The following MYO18A variants were observed in gnomAD, a reference collection of about 807,000 sequenced individuals.
The protein encoded by MYO18A is unconventional myosin-XVIIIa.
MYO18A carries 78 observed loss-of-function variants against 235.8 expected under a neutral mutation model. The ratio of observed to expected loss-of-function variants is 0.33; its 90% CI spans 0.28 to 0.40. MYO18A has a LOEUF of 0.40. MYO18A is among the 10% of genes least tolerant of loss of function. The pLI, the probability that MYO18A is intolerant of heterozygous loss-of-function variation, is 1.00. For synonymous variants in MYO18A, 977 were observed against 1,077.8 expected (o/e 0.91, Z 1.83); for missense variants, 2,215 against 2,699.3 (o/e 0.82, Z 3.98).
intron 1 of MYO18A, among the ~76,000 whole-genome samples, chr17:29,178,502 T>C (rs1475071524): frequency 2.1e-5 from 3 of 143,794 alleles, no homozygotes; most frequent in Non-Finnish European, 4.5e-5. Context: ...ACAACCCCCA[T>C]GTCCTCAACC....
intron 2 of MYO18A, among the ~76,000 whole-genome samples, chr17:29,133,060 A>C (rs1182726063): frequency 1.3e-5 from 2 of 152,230 alleles, no homozygotes; most frequent in African/African-American, 4.8e-5. Context: ...CCAGATTCCA[A>C]GTCCACTCTG....
chr17:29,115,268 T>A (rs1358068240), intron 13 of MYO18A, 83 bp downstream of exon 13: 1 of 1,522,006 alleles, frequency 6.6e-7, no homozygotes, highest in Non-Finnish European at 9.0e-7. Flanking sequence ...AGAGACCGGC[T>A]CTGCCTCGGC....
chr17:29,145,434 G>C (rs1383376194), intron 2 of MYO18A, among the ~76,000 whole-genome samples: 1 of 152,206 alleles, frequency 6.6e-6, no homozygotes, highest in East Asian at 1.9e-4. Flanking sequence ...GCAGAGCTGG[G>C]GGAAGGCCAG....
chr17:29,090,508 C>CTT (rs756217726), intron 36 of MYO18A, 24 bp downstream of exon 36: 5 of 1,566,998 alleles, frequency 3.2e-6, no homozygotes, highest in Admixed American at 3.7e-5. Flanking sequence ...CTCTCTCTCT[C>CTT]CTGAGGGAGC....
intron 2 of MYO18A, among the ~76,000 whole-genome samples, chr17:29,161,904 C>G (rs1452982404): frequency 1.3e-5 from 2 of 152,352 alleles, no homozygotes; most frequent in East Asian, 3.9e-4. Context: ...TTAGGAAACA[C>G]TTGGCCTTCA....
In MYO18A at chr17:29,120,569, C is replaced by T; in HGVS notation, c.1728+47G>A. The T allele has an allele frequency of 6.3e-6, 10 of 1,585,774 alleles. No individual in the cohort carries two copies. Among genetic ancestry groups the T allele is most frequent in the Non-Finnish European group, 8.6e-6 (10 of 1,165,424 alleles). On this transcript the variant is annotated intron_variant, in intron 7 of 41. Transcript: ENST00000527372. The surrounding 1 kb of genome is among the most constrained non-coding windows in gnomAD (Gnocchi z 4.2). ...GAGCCTGATGTCTAGGTCATGAAAT[C>T]ATGTGGCCTGTGTCCTACTACCCCG...
chr17:29,072,258 G>T lies in MYO18A; in HGVS notation c.*2512C>A, dbSNP rs1019362720. 7.0e-6 allele frequency: 1 copy of T among 143,762 alleles called. No homozygotes were observed. Among genetic ancestry groups the T allele is most frequent in the Non-Finnish European group, 1.5e-5 (1 of 67,166 alleles). The allele number at this position is 143,762 out of a possible 1,614,324, so 8.9% of individuals were successfully genotyped here. Reference sequence around the variant, plus strand: ...AAAGTAACTTAGGCCAGGCACAGTGGCTCATGCCTATAATCCTAGCACTTT... The same window carrying T: ...AAAGTAACTTAGGCCAGGCACAGTGTCTCATGCCTATAATCCTAGCACTTT... On this transcript the variant is annotated 3_prime_UTR_variant, in exon 42 of 42. Coordinates refer to ENST00000527372, the MANE Select transcript of MYO18A (RefSeq NM_078471.4).
Position 29,074,562 on chromosome 17 carries a change from T to C in MYO18A, c.*208A>G, listed in dbSNP as rs544163329. 1.6e-5 allele frequency: 10 copies of C among 612,988 alleles called. No individual in the cohort carries two copies. The African/African-American group carries it at 1.7e-4, about 10-fold the overall frequency. 38.0% of individuals were successfully genotyped at this position (612,988 alleles called of 1,614,324 possible). ...TGAGACAGAGGAGCAAAAAGTTCTCTTCAGAAACTCCTCTTTCCCCCACCT... is the reference window on the plus strand; with the variant it reads ...TGAGACAGAGGAGCAAAAAGTTCTCCTCAGAAACTCCTCTTTCCCCCACCT... On this transcript the variant is annotated 3_prime_UTR_variant, in exon 42 of 42. Transcript: ENST00000527372. This position sits in a 1 kb window ranked among gnomAD's most constrained non-coding sequence, Gnocchi z 4.4.
rs11389237 is a variant in MYO18A at position 29,147,889 on chromosome 17, C to CAAA, written c.999+18050_999+18052dup. On this transcript the variant is annotated intron_variant, in intron 2 of 41. Transcript: ENST00000527372. ...TGCCACTGCACTCCAGCCTGGGTGA[C>CAAA]AAAAAAAAAAAAAAAAAAAGGAAGT... Among the ~76,000 whole-genome samples, 47 of 87,086 alleles carry CAAA rather than the reference C, an allele frequency of 5.4e-4. 1 individual carries two copies. The highest frequency in any genetic ancestry group is 1.5e-3 in the African/African-American group (34 of 23,430). The allele number at this position is 87,086 out of a possible 152,430, so 57.1% of individuals were successfully genotyped here.
intron 26 of MYO18A, 152 bp from the exon 27 acceptor site, chr17:29,097,502 G>A: frequency 1.9e-6 from 2 of 1,068,492 alleles, no homozygotes; most frequent in Non-Finnish European, 1.3e-6. Flanking sequence ...CAAGGCAGAA[G>A]GAGCCACTAG....
chr17:29,156,116 G>A (rs553672597), intron 2 of MYO18A, among the ~76,000 whole-genome samples: 3 of 152,114 alleles, frequency 2.0e-5, no homozygotes, highest in Admixed American at 1.3e-4. Flanking sequence ...GGAATCCATT[G>A]CTGTGACTGG....
intron 21 of MYO18A, among the ~76,000 whole-genome samples, chr17:29,102,724 G>C (rs1240007310): frequency 1.3e-5 from 2 of 152,214 alleles, no homozygotes; most frequent in Non-Finnish European, 2.9e-5. Context: ...CAGAGACGAA[G>C]GGCAGGAGGA....
rs866253932 is a variant in MYO18A at position 29,114,015 on chromosome 17, G to A, written c.2594C>T (p.Ser865Phe). 1.3e-6 allele frequency: 2 copies of A among 1,595,040 alleles called. No homozygotes were observed. The highest frequency in any genetic ancestry group is 1.7e-6 in the Non-Finnish European group (2 of 1,170,948). Reference protein sequence around the residue: ...VAAVDQASHQSLVRSLARTDE... With the variant: ...VAAVDQASHQFLVRSLARTDE... ...AACCCTCTCTGGAGCTCCTACCAGG[G>A]ACTGATGGGAGGCCTGGTCCACAGC... The change falls in exon 15 of 42, where the codon TCC (serine) becomes TTC (phenylalanine). Residue 865 changes from serine (S) to phenylalanine (F), a missense_variant. Physicochemically the swap from Ser to Phe is radical, Grantham distance 155 (BLOSUM62 -2). Coordinates refer to ENST00000527372, the MANE Select transcript of MYO18A (RefSeq NM_078471.4).
At position 29,158,069 on chromosome 17, in the gene MYO18A, T is replaced by C. The variant is rs941365868; in HGVS notation, c.999+7873A>G. 1.3e-5 allele frequency among the ~76,000 whole-genome samples: 2 copies of C among 152,122 alleles called. No homozygotes were observed. The highest frequency in any genetic ancestry group is 2.4e-5 in the African/African-American group (1 of 41,434). On this transcript the variant is annotated intron_variant, in intron 2 of 41. Coordinates refer to ENST00000527372, the MANE Select transcript of MYO18A (RefSeq NM_078471.4). The surrounding 1 kb of genome is among the most constrained non-coding windows in gnomAD (Gnocchi z 4.3). ...TCAGCCTCCCAAAGTGCTGGGATTA[T>C]AGACGTGAGCCACTGTGCCCTGCCT...
chr17:29,088,600 G>A (rs2066317587), intron 37 of MYO18A, among the ~76,000 whole-genome samples: 1 of 152,194 alleles, frequency 6.6e-6, no homozygotes, highest in South Asian at 2.1e-4. Context: ...ACGGTGTGGA[G>A]ACAAAGGCTT....
At chr17:29,130,806 T>C (rs757699500) in intron 2 of MYO18A, among the ~76,000 whole-genome samples, 1 of 152,152 alleles carries the variant, frequency 6.6e-6, no homozygotes, top group Non-Finnish European at 1.5e-5. Flanking sequence ...TCCAGGTTTA[T>C]TCAGGGTCTC....
At chr17:29,104,823 A>G (rs955441058) in intron 20 of MYO18A, among the ~76,000 whole-genome samples, 5 of 152,064 alleles carry the variant, frequency 3.3e-5, no homozygotes, top group Non-Finnish European at 5.9e-5. Flanking sequence ...GAGGCCCAGG[A>G]GAGAATGTCC....
In MYO18A at chr17:29,164,192, A is replaced by G. The variant is rs565192191; in HGVS notation, c.999+1750T>C. ...GGCGTGAGCCACCACCACCCAGCCCAGTCTTTGCTTCTGACATAAAGACCC... is the reference window on the plus strand; with the variant it reads ...GGCGTGAGCCACCACCACCCAGCCCGGTCTTTGCTTCTGACATAAAGACCC... On this transcript the variant is annotated intron_variant, in intron 2 of 41. Transcript: ENST00000527372. Among the ~76,000 whole-genome samples, 5 of 152,322 alleles carry G rather than the reference A, an allele frequency of 3.3e-5. No individual in the cohort carries two copies. The South Asian group carries it at 1.0e-3, about 32-fold the overall frequency.
At chr17:29,078,202 A>G (rs907350451) in intron 41 of MYO18A, 2 of 152,228 alleles carry the variant, frequency 1.3e-5, no homozygotes, top group Non-Finnish European at 2.9e-5. Flanking sequence ...TTTTTAGTAG[A>G]GACGGGGTTT....
Sources: gnomAD v4.1 joint callset for allele counts (sites outside exome capture counted in the v4.1 genomes callset) on GRCh38, gnomAD v4.1.1 for gene constraint, Gnocchi (gnomAD v3.1) non-coding constraint, MANE v1.5 for transcripts, NCBI Gene and HGNC (gene_info 2026-07-23, HGNC 2026-07-21) for gene names.